The following KIF1C variants were observed in gnomAD, a reference collection of about 807,000 sequenced individuals.
KIF1C encodes the protein kinesin-like protein KIF1C.
In KIF1C, 61 loss-of-function variants were observed where a neutral mutation model predicts 126.5. The ratio of observed to expected loss-of-function variants is 0.48; its 90% confidence interval spans 0.39 to 0.60. The LOEUF (loss-of-function observed/expected upper bound fraction) is 0.60. KIF1C is among the 20% of genes least tolerant of loss of function. The pLI is 0.00. For synonymous variants in KIF1C, 640 were observed against 580.6 expected (o/e 1.10, Z -1.47); for missense variants, 1,315 against 1,489.2 (o/e 0.88, Z 1.93).
chr17:5,024,726 G>T lies in KIF1C; in HGVS notation c.*575G>T, dbSNP rs1377936477. 6.5e-6 allele frequency: 1 copy of T among 153,216 alleles called. No homozygotes were observed. Among genetic ancestry groups the T allele is most frequent in the Non-Finnish European group, 1.5e-5 (1 of 68,510 alleles). 9.5% of individuals were successfully genotyped at this position (153,216 alleles called of 1,614,324 possible). A position where few individuals can be genotyped will look rare whatever the true frequency, so the allele number is the denominator to read the frequency against. On this transcript the variant is annotated 3_prime_UTR_variant, in exon 23 of 23. Transcript: ENST00000320785. Reference sequence around the variant, plus strand: ...GGAGCTTGTGGCCTGTTTGTTTTGGGTTTTCATGGAGGTGTAGGTTATATA... The same window carrying T: ...GGAGCTTGTGGCCTGTTTGTTTTGGTTTTTCATGGAGGTGTAGGTTATATA...
At chr17:4,998,703 G>A (rs1974469135) in intron 1 of KIF1C, among the ~76,000 whole-genome samples, 1 of 152,184 alleles carries the variant, frequency 6.6e-6, no homozygotes, top group African/African-American at 2.4e-5. Flanking sequence ...TCCTGTCCTG[G>A]GACAGACCAG....
chr17:5,004,309 C>T (rs1344543113), intron 11 of KIF1C, among the ~76,000 whole-genome samples: 1 of 152,200 alleles, frequency 6.6e-6, no homozygotes, highest in Non-Finnish European at 1.5e-5. Context: ...TCCCTGATCC[C>T]TGATCTCACA....
intron 1 of KIF1C, among the ~76,000 whole-genome samples, 199 bp downstream of exon 1, chr17:4,998,355 C>T (rs1974445773): frequency 6.6e-6 from 1 of 152,160 alleles, no homozygotes; most frequent in Non-Finnish European, 1.5e-5. Flanking sequence ...CGCATGGCCG[C>T]CCTGAGAGGC....
rs763492867 is a variant in KIF1C at position 5,013,659 on chromosome 17, C to T, written c.1498C>T (p.His500Tyr). ...CCTTTCTCTCCCCGCTTAGACTCCC[C>T]ACCTGGTGAACCTGAACGAAGACCC... Reference protein sequence around the residue: ...VGVFSPKKTPHLVNLNEDPLM... With the variant: ...VGVFSPKKTPYLVNLNEDPLM... The change falls in exon 17 of 23, where the codon CAC becomes TAC. Residue 500 changes from histidine to tyrosine, a missense_variant. Physicochemically the swap from His to Tyr is moderately conservative, Grantham distance 83 (BLOSUM62 2). Around this residue, in one of 2 missense-constraint regions of KIF1C, gnomAD observed 874 missense variants for 1,053.2 expected, o/e 0.83. Coordinates refer to ENST00000320785, the MANE Select transcript of KIF1C (RefSeq NM_006612.6). 3.1e-6 allele frequency: 5 copies of T among 1,613,464 alleles called. No homozygotes were observed. Among genetic ancestry groups the T allele is most frequent in the South Asian group, 1.1e-5 (1 of 91,050 alleles).
intron 16 of KIF1C, among the ~76,000 whole-genome samples, chr17:5,013,378 G>A (rs1974907022): frequency 6.6e-6 from 1 of 152,166 alleles, no homozygotes; most frequent in East Asian, 1.9e-4. Context: ...GATGCAGCTG[G>A]ATGGGTGGGG....
intron 21 of KIF1C, among the ~76,000 whole-genome samples, chr17:5,021,743 A>G (rs1385767766): frequency 1.3e-5 from 2 of 151,846 alleles, no homozygotes; most frequent in African/African-American, 4.8e-5. Flanking sequence ...TGGCCTTCCA[A>G]CATGCTGGGA....
chr17:5,017,723 TC>T (rs1239572306), intron 18 of KIF1C, among the ~76,000 whole-genome samples: 11 of 151,856 alleles, frequency 7.2e-5, no homozygotes, highest in Admixed American at 3.9e-4. Context: ...ACTCTGTGCG[TC>T]CGCATTTTCT....
At position 5,002,425 on chromosome 17, in the gene KIF1C, T is replaced by C. The variant is rs377518247; in HGVS notation, c.430-39T>C. The C allele has an allele frequency of 1.9e-6, 3 of 1,540,950 alleles. No homozygotes were observed. The African/African-American group carries it at 4.1e-5, about 21-fold the overall frequency. ...GATTAAGTTGCGTTGTCATTGTTTT[T>C]GCTAGTTTTGTTACTTCTCATTTGC... On this transcript the variant is annotated intron_variant, in intron 6 of 22. Coordinates refer to ENST00000320785, the MANE Select transcript of KIF1C (RefSeq NM_006612.6).
At chr17:5,003,718 G>A (rs773725224) in intron 9 of KIF1C, 29 bp downstream of exon 9, 4 of 1,600,386 alleles carry the variant, frequency 2.5e-6, no homozygotes, top group Non-Finnish European at 2.6e-6. Flanking sequence ...GTGGTTTGTT[G>A]TGGGGCAGTG....
At chr17:5,016,029 T>C (rs1974964450) in intron 18 of KIF1C, among the ~76,000 whole-genome samples, 1 of 152,184 alleles carries the variant, frequency 6.6e-6, no homozygotes, top group South Asian at 2.1e-4. Context: ...GTGGTACACA[T>C]GTGCTGTCTG....
intron 1 of KIF1C, among the ~76,000 whole-genome samples, chr17:4,998,644 G>T (rs904082683): frequency 6.6e-6 from 1 of 152,192 alleles, no homozygotes; most frequent in Non-Finnish European, 1.5e-5. Context: ...GGTCTAGGGG[G>T]TCAGGGCTGT....
chr17:4,998,694 C>T (rs1974468714), intron 1 of KIF1C, among the ~76,000 whole-genome samples: 1 of 152,246 alleles, frequency 6.6e-6, no homozygotes, highest in Non-Finnish European at 1.5e-5. Context: ...CTACTCCCTT[C>T]CTGTCCTGGG....
At position 5,000,767 on chromosome 17, in the gene KIF1C, C is replaced by G; in HGVS notation, c.107-5C>G. The G allele has an allele frequency of 6.2e-7, 1 of 1,613,926 alleles. No homozygotes were observed. The highest frequency in any genetic ancestry group is 2.2e-5 in the East Asian group (1 of 44,882). ...TTCCTTCCTTTACCCTCTCCTGCCC[C>G]TCAGCCATCATCAATCCTAAACAGA... On this transcript the variant is annotated splice_polypyrimidine_tract_variant and splice_region_variant and intron_variant, in intron 3 of 22. Transcript: ENST00000320785.
Position 5,022,694 on chromosome 17 carries a change from C to T in KIF1C, c.2613C>T (p.Val871=). The part of the protein sequence containing the change: ...LRDRMLRMER[V]IPLAQDHEDE... Reference sequence around the variant, plus strand: ...ACCGCATGCTCCGCATGGAGAGGGTCATCCCCCTGGCCCAGGTAGGACTGG... The same window carrying T: ...ACCGCATGCTCCGCATGGAGAGGGTTATCCCCCTGGCCCAGGTAGGACTGG... The change falls in exon 22 of 23, where the codon GTC becomes GTT. Residue 871 remains valine (V), a synonymous_variant. Coordinates refer to ENST00000320785, the MANE Select transcript of KIF1C (RefSeq NM_006612.6). This position sits in a 1 kb window ranked among gnomAD's most constrained non-coding sequence, Gnocchi z 4.9. The T allele has an allele frequency of 6.4e-7, 1 of 1,552,988 alleles. No individual in the cohort carries two copies. Among genetic ancestry groups the T allele is most frequent in the South Asian group, 1.2e-5 (1 of 80,994 alleles).
rs534233116 is a variant in KIF1C, at chr17:5,028,343, T to G, written c.*4192T>G. ...GTTGGTTATTCTTTTAGACATGTTT[T>G]TTGTTGTTGTTGTCACCTGGAACTT... On this transcript the variant is annotated 3_prime_UTR_variant, in exon 23 of 23. Coordinates refer to ENST00000320785, the MANE Select transcript of KIF1C (RefSeq NM_006612.6). 40 of 152,344 alleles carry G rather than the reference T, an allele frequency of 2.6e-4. No individual in the cohort carries two copies. The highest frequency in any genetic ancestry group is 7.7e-4 in the African/African-American group (32 of 41,588). The allele number at this position is 152,344 out of a possible 1,614,324, so 9.4% of individuals were successfully genotyped here. A position where few individuals can be genotyped will look rare whatever the true frequency, so the allele number is the denominator to read the frequency against.
Position 5,024,306 on chromosome 17 carries a change from C to T in KIF1C, c.*155C>T. On this transcript the variant is annotated 3_prime_UTR_variant, in exon 23 of 23. Coordinates refer to ENST00000320785, the MANE Select transcript of KIF1C (RefSeq NM_006612.6). Reference sequence around the variant, plus strand: ...GATAGAAGACAAGGGGGAGACCGAGCCGGAGGCTGAGGAAAGGAAGAGGGC... The same window carrying T: ...GATAGAAGACAAGGGGGAGACCGAGTCGGAGGCTGAGGAAAGGAAGAGGGC... 1 of 562,826 alleles carries T rather than the reference C, an allele frequency of 1.8e-6. No individual in the cohort carries two copies. 34.9% of individuals were successfully genotyped at this position (562,826 alleles called of 1,614,324 possible).
Position 5,023,450 on chromosome 17 carries a change from C to G in KIF1C, c.2629-18C>G. ...CTCTCCTCACATCCCTTCTCCTTTT[C>G]TCACTCCTCCCTCCCAGGATCATGA... On this transcript the variant is annotated intron_variant, in intron 22 of 22. Coordinates refer to ENST00000320785, the MANE Select transcript of KIF1C (RefSeq NM_006612.6). The surrounding 1 kb of genome is among the most constrained non-coding windows in gnomAD (Gnocchi z 4.2). 6.2e-7 allele frequency: 1 copy of G among 1,608,752 alleles called. No individual in the cohort carries two copies. Among genetic ancestry groups the G allele is most frequent in the Non-Finnish European group, 8.5e-7 (1 of 1,175,946 alleles).
chr17:5,000,258 C>A lies in KIF1C; in HGVS notation c.12C>A (p.Ala4=), dbSNP rs761959962. The A allele has an allele frequency of 6.4e-7, 1 of 1,572,678 alleles. No individual in the cohort carries two copies. Among genetic ancestry groups the A allele is most frequent in the South Asian group, 1.2e-5 (1 of 85,596 alleles). ...GAGTGTCTGGAGCTATGGCTGGTGC[C>A]TCGGTGAAAGTGGCAGTGAGGGTTC... MAG[A]SVKVAVRVRP... is the part of the protein sequence containing the mutation. The change falls in exon 3 of 23, where the codon GCC becomes GCA. Residue 4 remains alanine (A), a synonymous_variant. Transcript: ENST00000320785.
chr17:4,998,672 C>A (rs1309211673), intron 1 of KIF1C, among the ~76,000 whole-genome samples: 5 of 152,232 alleles, frequency 3.3e-5, no homozygotes, highest in Non-Finnish European at 5.9e-5. Flanking sequence ...GAGCCAGCTT[C>A]TGTGATTCCA....
Sources: allele counts gnomAD v4.1 joint callset (sites outside exome capture counted in the v4.1 genomes callset), GRCh38; gene constraint gnomAD v4.1.1; regional missense constraint gnomAD v4.1.1; non-coding constraint Gnocchi (gnomAD v3.1); transcripts MANE v1.5; gene names NCBI Gene and HGNC (gene_info 2026-07-23, HGNC 2026-07-21).